Variants in ADD2 observed in about 807,000 individuals in gnomAD.
The protein encoded by ADD2 is beta-adducin.
Under a neutral mutation model 83.0 loss-of-function variants are expected in ADD2, and 23 were observed. That is an observed-to-expected ratio of 0.28 (90% CI 0.20 to 0.39). The LOEUF (loss-of-function observed/expected upper bound fraction) is 0.39. Ranked by LOEUF, ADD2 falls within the 10% of genes least tolerant of loss-of-function variation. The probability of loss-of-function intolerance (pLI) is 1.00; values close to 1 mark genes in which losing one functional copy is unlikely to be tolerated. For synonymous variants in ADD2, 375 were observed against 375.4 expected (o/e 1.00, Z 0.01); for missense variants, 758 against 944.9 (o/e 0.80, Z 2.59).
intron 8 of ADD2, 144 bp from the exon 9 acceptor site, chr2:70,688,266 A>G: frequency 1.7e-6 from 1 of 580,120 alleles, no homozygotes; most frequent in Non-Finnish European, 3.0e-6. Context: ...CTAATCAAAT[A>G]CCCCAAAGCT....
intron 2 of ADD2, among the ~76,000 whole-genome samples, chr2:70,712,443 C>CAAAAAA (rs11422928): frequency 2.4e-5 from 3 of 123,208 alleles, no homozygotes; most frequent in Non-Finnish European, 3.3e-5. Flanking sequence ...GACCCTGTCT[C>CAAAAAA]AAAAAAAATA....
intron 1 of ADD2, among the ~76,000 whole-genome samples, chr2:70,759,884 C>G (rs1371419465): frequency 6.6e-6 from 1 of 152,156 alleles, no homozygotes; most frequent in African/African-American, 2.4e-5. Context: ...TCCCACGGCC[C>G]TTAGATTTAT....
intron 1 of ADD2, among the ~76,000 whole-genome samples, chr2:70,744,278 A>G (rs550178012): frequency 6.6e-6 from 1 of 152,372 alleles, no homozygotes. Flanking sequence ...ACAATTACCA[A>G]AAATTGTATT....
chr2:70,671,710 C>T (rs1406509177), intron 15 of ADD2, among the ~76,000 whole-genome samples: 1 of 152,224 alleles, frequency 6.6e-6, no homozygotes, highest in Non-Finnish European at 1.5e-5. Flanking sequence ...CCACTTGGGG[C>T]TCTGGCCTCA....
At chr2:70,741,204 C>T (rs1673882495) in intron 1 of ADD2, 1 of 152,142 alleles carries the variant, frequency 6.6e-6, no homozygotes, top group Admixed American at 6.5e-5. Flanking sequence ...GACAAGAACA[C>T]GGCAAAGAAC....
rs1259762923 is a variant in ADD2 at position 70,676,611 on chromosome 2, G to A, written c.1593+185C>T. 2.4e-5 allele frequency: 34 copies of A among 1,443,976 alleles called. No homozygotes were observed. Among genetic ancestry groups the A allele is most frequent in the Non-Finnish European group, 3.1e-5 (34 of 1,092,828 alleles). 89.4% of individuals were successfully genotyped at this position (1,443,976 alleles called of 1,614,324 possible). A position where few individuals can be genotyped will look rare whatever the true frequency, so the allele number is the denominator to read the frequency against. ...GTGCCCACAGGGGCCATCAGACATTGTCCTCCCTGGTCCTCACAGCACCCC... is the reference window on the plus strand; with the variant it reads ...GTGCCCACAGGGGCCATCAGACATTATCCTCCCTGGTCCTCACAGCACCCC... On this transcript the variant is annotated intron_variant, in intron 13 of 15. Coordinates refer to ENST00000264436, the MANE Select transcript of ADD2 (RefSeq NM_001617.4). The surrounding 1 kb of genome is among the most constrained non-coding windows in gnomAD (Gnocchi z 4.8).
rs576561438 is a variant in ADD2 at position 70,734,612 on chromosome 2, G to A, written c.-153-21428C>T. 2.2e-3 allele frequency among the ~76,000 whole-genome samples: 333 copies of A among 152,308 alleles called. 2 individuals carry two copies. Among genetic ancestry groups the A allele is most frequent in the African/African-American group, 7.8e-3 (325 of 41,566 alleles). On this transcript the variant is annotated intron_variant, in intron 1 of 15. Coordinates refer to ENST00000264436, the MANE Select transcript of ADD2 (RefSeq NM_001617.4). ...TGAAATGGAAGAAAGACAGAGGAGT[G>A]AGCCAGCCACTGGCAGGAGAGGAGA...
At chr2:70,664,286 A>C (rs1553365657) in intron 15 of ADD2, among the ~76,000 whole-genome samples, 1 of 152,242 alleles carries the variant, frequency 6.6e-6, no homozygotes, top group Non-Finnish European at 1.5e-5. Flanking sequence ...CCATATTTCC[A>C]AGACATGTTA....
intron 15 of ADD2, among the ~76,000 whole-genome samples, chr2:70,672,640 C>T (rs1457485112): frequency 6.6e-6 from 1 of 152,162 alleles, no homozygotes; most frequent in African/African-American, 2.4e-5. Context: ...GGCAAGGAGC[C>T]GGGGGCCAGC....
At chr2:70,732,025 T>C (rs1391853435) in intron 1 of ADD2, among the ~76,000 whole-genome samples, 1 of 152,178 alleles carries the variant, frequency 6.6e-6, no homozygotes, top group Non-Finnish European at 1.5e-5. Context: ...TGATATTCTG[T>C]GGGACCTGAT....
At position 70,768,061 on chromosome 2, in the gene ADD2, T is replaced by A; in HGVS notation, c.-329A>T. 1.5e-6 allele frequency: 2 copies of A among 1,306,042 alleles called. No homozygotes were observed. Among genetic ancestry groups the A allele is most frequent in the Non-Finnish European group, 2.1e-6 (2 of 975,364 alleles). The allele number at this position is 1,306,042 out of a possible 1,614,324, so 80.9% of individuals were successfully genotyped here. On this transcript the variant is annotated 5_prime_UTR_variant, in exon 1 of 16. Coordinates refer to ENST00000264436, the MANE Select transcript of ADD2 (RefSeq NM_001617.4). ...GAGCTGCTGGGAGATCCCCCAGCAG[T>A]GCAGCGGCTCCGCGGCGGCGGGGAT...
At chr2:70,741,835 G>C (rs1289248570) in intron 1 of ADD2, among the ~76,000 whole-genome samples, 2 of 152,160 alleles carry the variant, frequency 1.3e-5, no homozygotes, top group Non-Finnish European at 2.9e-5. Context: ...TGGTACTGCA[G>C]TATAGGTTGG....
intron 15 of ADD2, among the ~76,000 whole-genome samples, chr2:70,669,087 A>T (rs1669794222): frequency 6.6e-6 from 1 of 152,212 alleles, no homozygotes; most frequent in South Asian, 2.1e-4. Flanking sequence ...CTGGGCACTC[A>T]TGCAGCAACA....
Position 70,683,747 on chromosome 2 carries a change from G to A in ADD2, c.969C>T (p.Ala323=), listed in dbSNP as rs782684502. 106 of 1,613,362 alleles carry A rather than the reference G, an allele frequency of 6.6e-5. No individual in the cohort carries two copies. Among genetic ancestry groups the A allele is most frequent in the Middle Eastern group, 3.3e-4 (2 of 6,058 alleles). ...CEIQVSALSS[A]GGVENLILLE... ...GGAGGATGAGGTTCTCCACTCCCCC[G>A]GCACTGGACAGAGCCGACACCTGTA... Residue 323 remains alanine, a synonymous_variant, in exon 10 of 16, where the codon GCC becomes GCT. Coordinates refer to ENST00000264436, the MANE Select transcript of ADD2 (RefSeq NM_001617.4).
chr2:70,662,263 C>G lies in ADD2; in HGVS notation c.*1162G>C, dbSNP rs1675565510. 1 of 152,152 alleles carries G rather than the reference C, an allele frequency of 6.6e-6. No homozygotes were observed. The highest frequency in any genetic ancestry group is 1.9e-4 in the East Asian group (1 of 5,190). 9.4% of individuals were successfully genotyped at this position (152,152 alleles called of 1,614,324 possible). ...GGCCATTACCAGGCCCCAGGATGGACAGATAGGGACAAGGACAGGGATACC... is the reference window on the plus strand; with the variant it reads ...GGCCATTACCAGGCCCCAGGATGGAGAGATAGGGACAAGGACAGGGATACC... On this transcript the variant is annotated 3_prime_UTR_variant, in exon 16 of 16. Coordinates refer to ENST00000264436, the MANE Select transcript of ADD2 (RefSeq NM_001617.4).
chr2:70,664,275 C>A (rs2104144489), intron 15 of ADD2, among the ~76,000 whole-genome samples: 1 of 152,190 alleles, frequency 6.6e-6, no homozygotes, highest in East Asian at 1.9e-4. Context: ...TAACACAGAC[C>A]CCATATTTCC....
chr2:70,763,714 A>G (rs1675234227), intron 1 of ADD2, among the ~76,000 whole-genome samples: 1 of 151,938 alleles, frequency 6.6e-6, no homozygotes, highest in Non-Finnish European at 1.5e-5. Flanking sequence ...CATTCTTATA[A>G]TATCACCATG....
chr2:70,727,099 A>T (rs1553378432), intron 1 of ADD2, among the ~76,000 whole-genome samples: 1 of 152,188 alleles, frequency 6.6e-6, no homozygotes, highest in Non-Finnish European at 1.5e-5. Flanking sequence ...GTCCTTCTTC[A>T]CGCTCCGTGG....
intron 2 of ADD2, among the ~76,000 whole-genome samples, chr2:70,710,297 G>A (rs781955079): frequency 6.6e-6 from 1 of 152,160 alleles, no homozygotes; most frequent in Non-Finnish European, 1.5e-5. Context: ...GGCAGGAAAA[G>A]GTTGACCCTC....
Sources: allele counts gnomAD v4.1 joint callset (sites outside exome capture counted in the v4.1 genomes callset), GRCh38; gene constraint gnomAD v4.1.1; non-coding constraint Gnocchi (gnomAD v3.1); transcripts MANE v1.5; gene names NCBI Gene and HGNC (gene_info 2026-07-23, HGNC 2026-07-21).